The following PRKG1 variants were observed in gnomAD, a reference collection of about 807,000 sequenced individuals.
PRKG1 encodes protein kinase cGMP-dependent 1.
PRKG1 carries 35 observed loss-of-function variants against 88.1 expected under a neutral mutation model. The ratio of observed to expected loss-of-function variants is 0.40; its 90% CI spans 0.30 to 0.53. The LOEUF (loss-of-function observed/expected upper bound fraction) is 0.53, where lower values mean the gene tolerates loss of function less well. Ranked by LOEUF, PRKG1 falls within the 20% of genes least tolerant of loss-of-function variation. PRKG1 has a pLI of 0.59. For synonymous variants in PRKG1, 303 were observed against 292.5 expected (o/e 1.04, Z -0.37); for missense variants, 540 against 839.8 (o/e 0.64, Z 4.41).
intron 1 of PRKG1, among the ~76,000 whole-genome samples, chr10:51,069,234 T>C (rs945630670): frequency 3.3e-5 from 5 of 152,086 alleles, no homozygotes; most frequent in African/African-American, 1.2e-4. Context: ...TTTTTCATCA[T>C]TAATGGTTTA....
At chr10:51,853,971 C>T (rs2132813092) in intron 4 of PRKG1, among the ~76,000 whole-genome samples, 1 of 151,904 alleles carries the variant, frequency 6.6e-6, no homozygotes, top group East Asian at 1.9e-4. Flanking sequence ...TGCAGACTTG[C>T]AAAATTGTTT....
At chr10:51,954,346 C>G (rs1843254005) in intron 5 of PRKG1, among the ~76,000 whole-genome samples, 1 of 151,932 alleles carries the variant, frequency 6.6e-6, no homozygotes, top group African/African-American at 2.4e-5. Flanking sequence ...TGCCTAGGAA[C>G]CAAGAATTAA....
chr10:51,738,823 A>G (rs923475733), intron 3 of PRKG1, among the ~76,000 whole-genome samples: 1 of 152,204 alleles, frequency 6.6e-6, no homozygotes, highest in Non-Finnish European at 1.5e-5. Context: ...ATAATTTTTC[A>G]TGGCACTCCC....
chr10:51,175,191 G>GA (rs1837158319), intron 2 of PRKG1, among the ~76,000 whole-genome samples: 1 of 314 alleles, frequency 3.2e-3, no homozygotes, highest in African/African-American at 0.015. Flanking sequence ...GTGTTCCTTA[G>GA]CCAGAGTCAG....
chr10:51,295,633 C>T (rs1840699946), intron 2 of PRKG1, among the ~76,000 whole-genome samples: 1 of 148,680 alleles, frequency 6.7e-6, no homozygotes, highest in African/African-American at 2.5e-5. Flanking sequence ...TTCCGATTTC[C>T]TTTCCTTTCC....
At chr10:51,277,774 C>A (rs1234620716) in intron 2 of PRKG1, among the ~76,000 whole-genome samples, 1 of 152,140 alleles carries the variant, frequency 6.6e-6, no homozygotes, top group East Asian at 1.9e-4. Context: ...TGGTGTATAG[C>A]AATGCTTGTG....
chr10:52,071,946 A>T (rs971274432), intron 7 of PRKG1, among the ~76,000 whole-genome samples: 7 of 152,114 alleles, frequency 4.6e-5, no homozygotes, highest in Non-Finnish European at 1.0e-4. Context: ...GGGCTGACAG[A>T]GAGAGTTATT....
chr10:51,521,620 C>T (rs192111617), intron 3 of PRKG1, among the ~76,000 whole-genome samples: 1 of 152,282 alleles, frequency 6.6e-6, no homozygotes, highest in East Asian at 1.9e-4. Context: ...AAGCTTTAAC[C>T]TTTACTCAGC....
At chr10:51,170,834 T>A (rs1846685744) in intron 2 of PRKG1, among the ~76,000 whole-genome samples, 1 of 151,980 alleles carries the variant, frequency 6.6e-6, no homozygotes, top group Non-Finnish European at 1.5e-5. Flanking sequence ...TAGCCCATTC[T>A]AAGAATTTTT....
At chr10:52,154,247 C>T (rs565529308) in intron 8 of PRKG1, among the ~76,000 whole-genome samples, 4 of 152,226 alleles carry the variant, frequency 2.6e-5, no homozygotes, top group African/African-American at 7.2e-5. Context: ...TAATAATACC[C>T]TCTTACTCAT....
chr10:51,965,220 C>G (rs1843539205), intron 5 of PRKG1, among the ~76,000 whole-genome samples: 1 of 152,050 alleles, frequency 6.6e-6, no homozygotes, highest in African/African-American at 2.4e-5. Flanking sequence ...TTTCCTGATT[C>G]TTTCTCTCTT....
intron 3 of PRKG1, among the ~76,000 whole-genome samples, chr10:51,484,273 T>C (rs1291584693): frequency 1.3e-5 from 2 of 152,166 alleles, no homozygotes; most frequent in Non-Finnish European, 2.9e-5. Context: ...TATTAGCAGT[T>C]TCCGCGTAAT....
At chr10:51,552,978 A>G (rs1003866356) in intron 3 of PRKG1, among the ~76,000 whole-genome samples, 2 of 151,670 alleles carry the variant, frequency 1.3e-5, no homozygotes, top group Non-Finnish European at 3.0e-5. Context: ...CAAAAAAATT[A>G]TGGATCCAAA....
intron 3 of PRKG1, among the ~76,000 whole-genome samples, chr10:51,673,815 G>A (rs1055625199): frequency 6.6e-6 from 1 of 152,128 alleles, no homozygotes; most frequent in African/African-American, 2.4e-5. Context: ...GAAGTCTAAT[G>A]ATTTGCTTTA....
At position 52,183,664 on chromosome 10, in the gene PRKG1, C is replaced by A. The variant is rs144256681; in HGVS notation, c.1076+21701C>A. 3.3e-4 allele frequency among the ~76,000 whole-genome samples: 51 copies of A among 152,284 alleles called. No individual in the cohort carries two copies. The East Asian group carries it at 9.5e-3, about 28-fold the overall frequency. ...CCCACTGCTGGATAAAAGTGTAGTG[C>A]CTACTGGCACCTAGAGGAGGGCATA... On this transcript the variant is annotated intron_variant, in intron 9 of 17. Coordinates refer to ENST00000373980, the MANE Select transcript of PRKG1 (RefSeq NM_006258.4).
At chr10:51,415,438 G>A (rs768794147) in intron 2 of PRKG1, among the ~76,000 whole-genome samples, 1 of 151,970 alleles carries the variant, frequency 6.6e-6, no homozygotes, top group Non-Finnish European at 1.5e-5. Flanking sequence ...TGTTGGGGAG[G>A]CTCCCAAAAT....
Position 52,161,900 on chromosome 10 carries a change from A to G in PRKG1, c.1013A>G (p.His338Arg), listed in dbSNP as rs2132688536. ...TTTTCGTCTGACAGCTCTTTTAAAC[A>G]TTTGATTGGAGGGCTGGATGATGTT... is the stretch of plus-strand genomic sequence containing the variant. ...CLVIDRDSFK[H>R]LIGGLDDVSN... Residue 338 changes from histidine (H) to arginine (R), a missense_variant, in exon 9 of 18, where the codon CAT becomes CGT. Around this residue, in one of 5 missense-constraint regions of PRKG1, gnomAD observed 400 missense variants for 562.7 expected, o/e 0.71. Transcript: ENST00000373980. The G allele has an allele frequency of 6.2e-7, 1 of 1,612,702 alleles. No individual in the cohort carries two copies. The highest frequency in any genetic ancestry group is 1.1e-5 in the South Asian group (1 of 91,016).
At chr10:51,281,575 C>T (rs891390015) in intron 2 of PRKG1, among the ~76,000 whole-genome samples, 1 of 152,128 alleles carries the variant, frequency 6.6e-6, no homozygotes, top group African/African-American at 2.4e-5. Flanking sequence ...CTGGGTGGAG[C>T]CCACTGCAGC....
intron 3 of PRKG1, among the ~76,000 whole-genome samples, chr10:51,678,430 A>T (rs1589189468): frequency 6.6e-6 from 1 of 152,230 alleles, no homozygotes; most frequent in Admixed American, 6.5e-5. Context: ...AAAAATTCTT[A>T]GCATACACCA....
Sources: allele counts gnomAD v4.1 joint callset (sites outside exome capture counted in the v4.1 genomes callset), GRCh38; gene constraint gnomAD v4.1.1; regional missense constraint gnomAD v4.1.1; transcripts MANE v1.5; gene names NCBI Gene and HGNC (gene_info 2026-07-23, HGNC 2026-07-21).